KAZN: variants seen among roughly 807,000 people sequenced by gnomAD.
The protein encoded by KAZN is kazrin.
Under a neutral mutation model 87.4 loss-of-function variants are expected in KAZN, and 40 were observed. That is an observed-to-expected ratio of 0.46 (90% CI 0.36 to 0.60). KAZN has a LOEUF of 0.60. Among genes scored for constraint, KAZN ranks in the 20% least tolerant of loss-of-function variants. KAZN has a pLI of 0.00. For missense variants in KAZN, 898 were observed against 1,073.9 expected, an observed-to-expected ratio of 0.84 and a Z score of 2.29; for synonymous variants, 466 against 458.3, an observed-to-expected ratio of 1.02 and a Z score of -0.22.
intron 1 of KAZN, among the ~76,000 whole-genome samples, chr1:14,871,087 C>T (rs1181662073): frequency 6.6e-6 from 1 of 152,174 alleles, no homozygotes; most frequent in Non-Finnish European, 1.5e-5. Flanking sequence ...GTTGCCTGAG[C>T]CCAGGTGTGT....
intron 1 of KAZN, among the ~76,000 whole-genome samples, chr1:14,103,125 T>G (rs1232774658): frequency 6.6e-6 from 1 of 152,090 alleles, no homozygotes. Context: ...CTCACCATGT[T>G]GGCCAGGCTG....
chr1:14,544,324 T>A (rs555289846), intron 2 of KAZN, among the ~76,000 whole-genome samples: 2 of 147,786 alleles, frequency 1.4e-5, no homozygotes, highest in African/African-American at 4.9e-5. Flanking sequence ...TTTGGGGTTT[T>A]TTTTTTTCTT....
chr1:14,875,331 CAAAAAAAAAA>C lies in KAZN; in HGVS notation c.227-85338_227-85329del, dbSNP rs58205013. 5.8e-5 allele frequency among the ~76,000 whole-genome samples: 5 copies of C among 86,948 alleles called. No individual in the cohort carries two copies. In the South Asian group the frequency reaches 1.8e-3, roughly 31 times the overall value. The allele number at this position is 86,948 out of a possible 152,430, so 57.0% of individuals were successfully genotyped here. A position where few individuals can be genotyped will look rare whatever the true frequency, so the allele number is the denominator to read the frequency against. On this transcript the variant is annotated intron_variant, in intron 1 of 14. Coordinates refer to ENST00000376030, the MANE Select transcript of KAZN (RefSeq NM_201628.3). ...GGGCAACAAGAGTGAAACTCTGTCT[CAAAAAAAAAA>C]AAAAAAAAAAAAAATTGTAAGACAT...
intron 2 of KAZN, among the ~76,000 whole-genome samples, chr1:14,198,025 A>ACCGT (rs1553143227): frequency 5.3e-5 from 8 of 151,914 alleles, no homozygotes; most frequent in Admixed American, 2.0e-4. Context: ...AATCATAGTA[A>ACCGT]CAGAGTAGTA....
intron 10 of KAZN, among the ~76,000 whole-genome samples, chr1:15,101,084 G>C (rs1037659106): frequency 6.6e-6 from 1 of 152,072 alleles, no homozygotes; most frequent in Non-Finnish European, 1.5e-5. Context: ...CCCTCGCTGC[G>C]TCTGAGTGTG....
chr1:14,650,856 G>T (rs540117338), intron 1 of KAZN, among the ~76,000 whole-genome samples: 1 of 152,244 alleles, frequency 6.6e-6, no homozygotes, highest in East Asian at 1.9e-4. Flanking sequence ...GGCCTGATGG[G>T]GTCCATGGCT....
chr1:14,777,636 TCC>T (rs1645219118), intron 1 of KAZN, among the ~76,000 whole-genome samples: 1 of 152,210 alleles, frequency 6.6e-6, no homozygotes, highest in Admixed American at 6.5e-5. Context: ...CAATTGCTCT[TCC>T]TTCTTGGAAC....
chr1:14,387,778 C>T lies in KAZN; in HGVS notation c.249+207186C>T, dbSNP rs868027650. Among the ~76,000 whole-genome samples the T allele has an allele frequency of 2.6e-3, 394 of 152,006 alleles. 1 individual carries two copies. Among genetic ancestry groups the T allele is most frequent in the African/African-American group, 8.6e-3 (358 of 41,442 alleles). On this transcript the variant is annotated intron_variant, in intron 2 of 16. Transcript: ENST00000636203. ...ACTGCTGTCTTTTTGTTTGTCTGTG[C>T]CCTGCCCCCAGAGGTGGAGCCTACA...
chr1:15,082,187 A>C (rs2100635289), intron 8 of KAZN, among the ~76,000 whole-genome samples: 1 of 152,156 alleles, frequency 6.6e-6, no homozygotes, highest in South Asian at 2.1e-4. Context: ...GAGGTCTGAG[A>C]CCCTATGGGG....
At chr1:13,965,446 T>G (rs1205476492) in intron 1 of KAZN, among the ~76,000 whole-genome samples, 8 of 151,998 alleles carry the variant, frequency 5.3e-5, no homozygotes, top group Admixed American at 5.2e-4. Context: ...CAATGGAAAG[T>G]GGGTGGTGGT....
rs1189492425 is a variant in KAZN at position 14,571,572 on chromosome 1, G to A, written c.250-27411G>A. ...CGCCTATGCTGTTTGAACCTTGCAA[G>A]TGTTCTGGCAAATTGGTCAGAGGCT... On this transcript the variant is annotated intron_variant, in intron 2 of 16. Transcript: ENST00000636203. Among the ~76,000 whole-genome samples the A allele has an allele frequency of 2.6e-5, 4 of 152,198 alleles. No individual in the cohort carries two copies. The East Asian group carries it at 5.8e-4, about 22-fold the overall frequency.
chr1:14,874,712 T>A (rs1652564425), intron 1 of KAZN, among the ~76,000 whole-genome samples: 1 of 152,338 alleles, frequency 6.6e-6, no homozygotes, highest in Non-Finnish European at 1.5e-5. Context: ...GAAATCCTGG[T>A]GTGACCTGTG....
chr1:13,969,143 G>A (rs1330963394), intron 1 of KAZN, among the ~76,000 whole-genome samples: 2 of 152,118 alleles, frequency 1.3e-5, no homozygotes, highest in Non-Finnish European at 2.9e-5. Context: ...ACAAGTTTCT[G>A]CCCTCAGGAA....
chr1:14,991,104 G>A (rs1667310348), intron 2 of KAZN, among the ~76,000 whole-genome samples: 1 of 151,952 alleles, frequency 6.6e-6, no homozygotes, highest in African/African-American at 2.4e-5. Flanking sequence ...TGTAATCCTA[G>A]CACTTTGGGA....
intron 2 of KAZN, among the ~76,000 whole-genome samples, chr1:14,506,910 A>G (rs1358680915): frequency 6.6e-6 from 1 of 152,158 alleles, no homozygotes; most frequent in East Asian, 1.9e-4. Flanking sequence ...GGCTGTCTGT[A>G]TTGGTTCCAA....
At chr1:14,604,976 G>A (rs1677248247) in intron 1 of KAZN, among the ~76,000 whole-genome samples, 1 of 152,156 alleles carries the variant, frequency 6.6e-6, no homozygotes, top group South Asian at 2.1e-4. Context: ...ACCTTTGTGG[G>A]GATGTAAAGG....
At chr1:14,352,108 TATCAA>T (rs1243945055) in intron 2 of KAZN, among the ~76,000 whole-genome samples, 1 of 152,232 alleles carries the variant, frequency 6.6e-6, no homozygotes, top group Non-Finnish European at 1.5e-5. Context: ...TATTTTCAAG[TATCAA>T]ATCTTTGTAT....
chr1:14,823,377 G>T (rs538176720), intron 1 of KAZN, among the ~76,000 whole-genome samples: 1 of 152,272 alleles, frequency 6.6e-6, no homozygotes, highest in South Asian at 2.1e-4. Flanking sequence ...AGATACCCCA[G>T]TGTGGTATCT....
chr1:14,354,073 G>A (rs1658786548), intron 2 of KAZN, among the ~76,000 whole-genome samples: 1 of 152,140 alleles, frequency 6.6e-6, no homozygotes, highest in African/African-American at 2.4e-5. Flanking sequence ...AGACTAAAGA[G>A]TCCAGAAATA....
Sources: allele counts gnomAD v4.1 joint callset (sites outside exome capture counted in the v4.1 genomes callset), GRCh38; gene constraint gnomAD v4.1.1; transcripts MANE v1.5; gene names NCBI Gene and HGNC (gene_info 2026-07-23, HGNC 2026-07-21).